NTNG1: variants seen among roughly 807,000 people sequenced by gnomAD.
NTNG1 encodes the protein netrin-G1.
NTNG1 carries 16 observed loss-of-function variants against 54.0 expected under a neutral mutation model. The ratio of observed to expected loss-of-function variants is 0.30; its 90% CI spans 0.20 to 0.45. NTNG1 has a LOEUF of 0.45. Among genes scored for constraint, NTNG1 ranks in the 20% least tolerant of loss-of-function variants. The pLI, the probability that NTNG1 is intolerant of heterozygous loss-of-function variation, is 1.00. For missense variants in NTNG1, 530 were observed against 678.7 expected (o/e 0.78, Z 2.43); for synonymous variants, 255 against 263.1 (o/e 0.97, Z 0.30).
intron 2 of NTNG1, among the ~76,000 whole-genome samples, chr1:107,186,022 C>T (rs562234669): frequency 6.6e-6 from 1 of 152,240 alleles, no homozygotes; most frequent in Non-Finnish European, 1.5e-5. Context: ...CTCGCCCTCA[C>T]GCCCACCCTC....
intron 2 of NTNG1, among the ~76,000 whole-genome samples, chr1:107,152,285 A>T (rs571581343): frequency 6.6e-6 from 1 of 152,164 alleles, no homozygotes; most frequent in South Asian, 2.1e-4. Context: ...TTTCAGCCAC[A>T]TTGAAAGCTT....
chr1:107,249,752 T>C (rs1362974949), intron 2 of NTNG1, among the ~76,000 whole-genome samples: 2 of 152,198 alleles, frequency 1.3e-5, no homozygotes, highest in African/African-American at 4.8e-5. Context: ...GACTCAGAGT[T>C]TTACAAATTT....
intron 3 of NTNG1, among the ~76,000 whole-genome samples, chr1:107,361,002 A>C (rs553883664): frequency 1.8e-4 from 28 of 151,572 alleles, no homozygotes; most frequent in African/African-American, 6.8e-4. Flanking sequence ...TAACTCTATA[A>C]ATTTCATTGT....
At chr1:107,149,227 A>T (rs1654372469) in intron 2 of NTNG1, among the ~76,000 whole-genome samples, 2 of 152,278 alleles carry the variant, frequency 1.3e-5, no homozygotes, top group Admixed American at 1.3e-4. Context: ...AAAAACACAA[A>T]TGTTTCTTCA....
chr1:107,353,667 T>TA (rs1381017264), intron 3 of NTNG1, among the ~76,000 whole-genome samples: 1 of 152,172 alleles, frequency 6.6e-6, no homozygotes, highest in Non-Finnish European at 1.5e-5. Context: ...TCAGATATTT[T>TA]TATGGCAATG....
chr1:107,306,699 C>T (rs930498341), intron 2 of NTNG1, among the ~76,000 whole-genome samples: 6 of 151,122 alleles, frequency 4.0e-5, no homozygotes, highest in Non-Finnish European at 7.4e-5. Context: ...TGCAGTGAGC[C>T]GAGATCACGC....
At chr1:107,200,945 T>C (rs1364893516) in intron 2 of NTNG1, among the ~76,000 whole-genome samples, 1 of 151,876 alleles carries the variant, frequency 6.6e-6, no homozygotes, top group Non-Finnish European at 1.5e-5. Context: ...TTGAATTGTG[T>C]TTGCTTCTTA....
At chr1:107,400,673 A>G (rs1372586015) in intron 4 of NTNG1, among the ~76,000 whole-genome samples, 1 of 142,388 alleles carries the variant, frequency 7.0e-6, no homozygotes, top group African/African-American at 2.6e-5. Context: ...TTTGAGATGT[A>G]GTTTTGCTCT....
chr1:107,354,153 A>G (rs1281342453), intron 3 of NTNG1, among the ~76,000 whole-genome samples: 1 of 152,106 alleles, frequency 6.6e-6, no homozygotes, highest in Non-Finnish European at 1.5e-5. Context: ...TTCCAGCACC[A>G]TTTATTGAAT....
chr1:107,403,258 C>T (rs147941952), intron 4 of NTNG1, among the ~76,000 whole-genome samples: 8 of 152,220 alleles, frequency 5.3e-5, no homozygotes, highest in Non-Finnish European at 7.4e-5. Context: ...TTGCAAGTAC[C>T]TGCAAGACAA....
At chr1:107,382,781 CTCTT>C (rs1448034677) in intron 3 of NTNG1, among the ~76,000 whole-genome samples, 9 of 151,834 alleles carry the variant, frequency 5.9e-5, no homozygotes, top group African/African-American at 1.7e-4. Context: ...CTCTCTCTCT[CTCTT>C]TATTTTTTGT....
intron 7 of NTNG1, among the ~76,000 whole-genome samples, chr1:107,451,608 G>A: frequency 6.6e-6 from 1 of 152,072 alleles, no homozygotes; most frequent in Non-Finnish European, 1.5e-5. Context: ...TTTATGTTTT[G>A]ACATGAATGT....
intron 2 of NTNG1, among the ~76,000 whole-genome samples, chr1:107,231,482 C>A (rs892750282): frequency 2.0e-5 from 3 of 152,136 alleles, no homozygotes; most frequent in Non-Finnish European, 4.4e-5. Context: ...AGATTGTATA[C>A]TTTTTCTAGG....
intron 2 of NTNG1, among the ~76,000 whole-genome samples, chr1:107,225,839 C>G (rs988127434): frequency 1.3e-5 from 2 of 151,880 alleles, no homozygotes; most frequent in African/African-American, 4.8e-5. Context: ...TTCATAGAAC[C>G]CTTTCCGGGC....
chr1:107,253,818 C>T (rs1662762762), intron 2 of NTNG1, among the ~76,000 whole-genome samples: 1 of 152,182 alleles, frequency 6.6e-6, no homozygotes, highest in African/African-American at 2.4e-5. Flanking sequence ...TCACACTTTC[C>T]TCTCGAAATT....
intron 2 of NTNG1, among the ~76,000 whole-genome samples, chr1:107,158,096 C>G (rs192202417): frequency 2.2e-4 from 33 of 152,202 alleles, no homozygotes; most frequent in African/African-American, 7.7e-4. Flanking sequence ...GCATCCTTTC[C>G]CCTTAGAATC....
At position 107,324,537 on chromosome 1, in the gene NTNG1, T is replaced by C; in HGVS notation, c.502T>C (p.Tyr168His). The C allele has an allele frequency of 6.2e-7, 1 of 1,613,788 alleles. No homozygotes were observed. Among genetic ancestry groups the C allele is most frequent in the South Asian group, 1.1e-5 (1 of 91,084 alleles). The change falls in exon 3 of 8, where the codon TAT becomes CAT. Residue 168 changes from tyrosine to histidine, a missense_variant. By Grantham distance (83) the Tyr-to-His change is moderately conservative. Coordinates refer to ENST00000370068, the MANE Select transcript of NTNG1 (RefSeq NM_001113226.3). ...AATGATCCTGGAGAAGTCTCTCGAT[T>C]ATGGACGAACATGGCAGCCCTATCA... ...DQMILEKSLD[Y>H]GRTWQPYQYY...
rs190692198 is a variant in NTNG1 at position 107,374,885 on chromosome 1, G to A, written c.888-20269G>A. Among the ~76,000 whole-genome samples, 207 of 151,552 alleles carry A rather than the reference G, an allele frequency of 1.4e-3. 1 individual carries two copies. Among genetic ancestry groups the A allele is most frequent in the African/African-American group, 4.7e-3 (195 of 41,278 alleles). On this transcript the variant is annotated intron_variant, in intron 3 of 7. Coordinates refer to ENST00000370068, the MANE Select transcript of NTNG1 (RefSeq NM_001113226.3). ...TTATTTGGAAACTGTTAGTCCTTTC[G>A]GATCTTGCTTTTCTGACTCGTTCAC...
chr1:107,365,883 T>G (rs1288074929), intron 3 of NTNG1, among the ~76,000 whole-genome samples: 2 of 152,222 alleles, frequency 1.3e-5, no homozygotes, highest in Non-Finnish European at 2.9e-5. Context: ...AGTATGGAAT[T>G]AACCTCTTTT....
Sources: allele counts gnomAD v4.1 joint callset (sites outside exome capture counted in the v4.1 genomes callset), GRCh38; gene constraint gnomAD v4.1.1; transcripts MANE v1.5; gene names NCBI Gene and HGNC (gene_info 2026-07-23, HGNC 2026-07-21).